Variants in FAT2 observed in about 807,000 individuals in gnomAD.
FAT2 encodes protocadherin Fat 2.
A neutral mutation model predicts 295.3 loss-of-function variants in FAT2; 150 were observed. The ratio of observed to expected loss-of-function variants is 0.51; its 90% confidence interval spans 0.44 to 0.58. The LOEUF (loss-of-function observed/expected upper bound fraction) is 0.58, where lower values mean the gene tolerates loss of function less well. Among genes scored for constraint, FAT2 ranks in the 20% least tolerant of loss-of-function variants. The pLI, the probability that FAT2 is intolerant of heterozygous loss-of-function variation, is 0.00. For missense variants in FAT2, 4,868 were observed against 5,442.7 expected, an observed-to-expected ratio of 0.89 and a Z score of 3.32; for synonymous variants, 2,026 against 2,150.3, an observed-to-expected ratio of 0.94 and a Z score of 1.60.
At chr5:151,527,015 A>G (rs901951715) in intron 17 of FAT2, among the ~76,000 whole-genome samples, 2 of 152,222 alleles carry the variant, frequency 1.3e-5, no homozygotes, top group South Asian at 2.1e-4. Context: ...TATGGCTGTT[A>G]TGAGTCTCAA....
At chr5:151,580,387 T>C (rs1758900854) in intron 1 of FAT2, among the ~76,000 whole-genome samples, 1 of 152,212 alleles carries the variant, frequency 6.6e-6, no homozygotes, top group Non-Finnish European at 1.5e-5. Flanking sequence ...AACACTTACC[T>C]TCCTGGAGGA....
In FAT2 at chr5:151,531,438, G is replaced by A. The variant is rs1283796527; in HGVS notation, c.9811+149C>T. On this transcript the variant is annotated intron_variant, in intron 14 of 23. Transcript: ENST00000261800. This position sits in a 1 kb window ranked among gnomAD's most constrained non-coding sequence, Gnocchi z 5.7. ...GGGTGGAAGGAGGGACCTGGTACTC[G>A]GAGAGAAGCAGAAGAGAATGGAGAA... 14 of 1,147,368 alleles carry A rather than the reference G, an allele frequency of 1.2e-5. No individual in the cohort carries two copies. The highest frequency in any genetic ancestry group is 1.6e-5 in the African/African-American group (1 of 63,982). 71.1% of individuals were successfully genotyped at this position (1,147,368 alleles called of 1,614,324 possible).
At chr5:151,513,707 C>T (rs918072606) in intron 20 of FAT2, among the ~76,000 whole-genome samples, 4 of 151,690 alleles carry the variant, frequency 2.6e-5, no homozygotes, top group Admixed American at 6.6e-5. Flanking sequence ...ATCGGTTACC[C>T]GTATAACAAA....
intron 7 of FAT2, among the ~76,000 whole-genome samples, chr5:151,551,188 CA>C (rs901770209): frequency 7.9e-5 from 12 of 152,158 alleles, no homozygotes; most frequent in Non-Finnish European, 1.6e-4. Context: ...CCCACTTACC[CA>C]ACCATCATCC....
intron 2 of FAT2, among the ~76,000 whole-genome samples, chr5:151,565,464 T>A (rs528314815): frequency 1.3e-5 from 2 of 152,222 alleles, no homozygotes; most frequent in South Asian, 4.2e-4. Context: ...TGTGCATATA[T>A]GTGTATGTGT....
chr5:151,512,549 G>C lies in FAT2; in HGVS notation c.11521C>G (p.Leu3841Val). 2 of 1,614,132 alleles carry C rather than the reference G, an allele frequency of 1.2e-6. No homozygotes were observed. The highest frequency in any genetic ancestry group is 1.7e-6 in the Non-Finnish European group (2 of 1,180,028). ...YHCLGGFYGN[L>V]SSQRHVNDHE... ...TCATTCACATGGCGCTGGGAGGAAA[G>C]GTTTCCATAGAAACCACCCAGACAG... Residue 3841 changes from leucine to valine, a missense_variant, in exon 21 of 24, where the codon CTT becomes GTT. By Grantham distance (32) the Leu-to-Val change is conservative. Transcript: ENST00000261800. The surrounding 1 kb of genome is among the most constrained non-coding windows in gnomAD (Gnocchi z 4.1).
Position 151,540,553 on chromosome 5 carries a change from C to T in FAT2, c.9039+14G>A, listed in dbSNP as rs557173685. 20 of 1,600,644 alleles carry T rather than the reference C, an allele frequency of 1.2e-5. No homozygotes were observed. The highest frequency in any genetic ancestry group is 4.5e-5 in the East Asian group (2 of 44,644). ...TGCCTTCACTACCCACTCCACCCCT[C>T]GCCAGGCTCTCACCTGTGAACACTG... On this transcript the variant is annotated intron_variant, in intron 11 of 23. Transcript: ENST00000261800.
At chr5:151,530,067 T>A (rs1044373329) in intron 14 of FAT2, among the ~76,000 whole-genome samples, 3 of 152,138 alleles carry the variant, frequency 2.0e-5, no homozygotes, top group Non-Finnish European at 4.4e-5. Flanking sequence ...AAAATCACCA[T>A]TTTACAGCCC....
chr5:151,531,818 T>C lies in FAT2; in HGVS notation c.9580A>G (p.Thr3194Ala), dbSNP rs757392043. 3.7e-6 allele frequency: 6 copies of C among 1,612,938 alleles called. No individual in the cohort carries two copies. The highest frequency in any genetic ancestry group is 4.2e-6 in the Non-Finnish European group (5 of 1,179,904). Residue 3194 changes from threonine to alanine, a missense_variant, in exon 14 of 24, where the codon ACC (threonine) becomes GCC (alanine). This residue lies in a region of FAT2 where 1,046 missense variants were observed against 1,210.1 expected (regional missense o/e 0.86). Transcript: ENST00000261800. The surrounding 1 kb of genome is among the most constrained non-coding windows in gnomAD (Gnocchi z 5.7). ...CCCAGCGTGGACAGCGGTATTGGGG[T>C]GCCCAGGTCAGAGGCACGGACCGTG... is the stretch of plus-strand genomic sequence containing the variant. Reference protein sequence around the residue: ...ELTVRASDLGTPIPLSTLGTV... With the variant: ...ELTVRASDLGAPIPLSTLGTV...
chr5:151,550,884 A>G lies in FAT2; in HGVS notation c.4297-13T>C, dbSNP rs754653643. The stretch of plus-strand genomic sequence containing the variant: ...TGAAGATGTGGACCTAGGGAGGGAG[A>G]TGAGGGAGAAGGTGCACTGCAAGCC... On this transcript the variant is annotated splice_polypyrimidine_tract_variant and intron_variant, in intron 7 of 23. Coordinates refer to ENST00000261800, the MANE Select transcript of FAT2 (RefSeq NM_001447.3). 6.2e-7 allele frequency: 1 copy of G among 1,610,728 alleles called. No individual in the cohort carries two copies. Among genetic ancestry groups the G allele is most frequent in the Non-Finnish European group, 8.5e-7 (1 of 1,178,904 alleles).
chr5:151,535,321 A>G (rs540467081), intron 12 of FAT2, among the ~76,000 whole-genome samples: 1 of 152,046 alleles, frequency 6.6e-6, no homozygotes, highest in South Asian at 2.1e-4. Flanking sequence ...CACCTGCCCC[A>G]AAGCAAGATT....
At chr5:151,510,273 CCATTT>C (rs1247597385) in intron 21 of FAT2, 99 bp from the exon 22 acceptor site, 1 of 1,372,428 alleles carries the variant, frequency 7.3e-7, no homozygotes, top group South Asian at 1.3e-5. Context: ...CGTTCAGTTA[CCATTT>C]ATTTATTTGG....
chr5:151,515,795 CCTAT>C (rs1391666581), intron 20 of FAT2, among the ~76,000 whole-genome samples: 13 of 152,194 alleles, frequency 8.5e-5, no homozygotes, highest in Admixed American at 8.5e-4. Context: ...TCTCTCTGCT[CCTAT>C]CTTTGTTTCT....
upstream of FAT2, among the ~76,000 whole-genome samples, chr5:151,592,683 G>T (rs529174085): frequency 6.6e-6 from 1 of 152,292 alleles, no homozygotes; most frequent in East Asian, 1.9e-4. Context: ...AATTTGTTAA[G>T]TCTCTGTCTC....
chr5:151,543,421 C>A lies in FAT2; in HGVS notation c.7706G>T (p.Cys2569Phe), dbSNP rs1561850071. The A allele has an allele frequency of 6.2e-7, 1 of 1,614,060 alleles. No homozygotes were observed. ...ATCTGTGAGGATGATCTTCACCGTG[C>A]AGAAGGCTACTCTTCCTCCTCCATC... ...ARDGGGRVAFCTVKIILTDEN... is the reference protein window; with the variant it reads ...ARDGGGRVAFFTVKIILTDEN... Residue 2569 changes from cysteine to phenylalanine, a missense_variant, in exon 10 of 24, where the codon TGC becomes TTC. By Grantham distance (205) the Cys-to-Phe change is radical (BLOSUM62 -2). This residue lies in a region of FAT2 where 3,297 missense variants were observed against 3,669.4 expected (regional missense o/e 0.90). Transcript: ENST00000261800.
chr5:151,521,434 G>C lies in FAT2; in HGVS notation c.11159C>G (p.Ser3720Ter). The change falls in exon 19 of 24, where the codon TCA (serine) becomes TGA (stop). Residue 3720 changes from serine (S) to a stop codon, truncating the protein, a stop_gained. Transcript: ENST00000261800. LOFTEE classifies it high-confidence loss of function. The stretch of plus-strand genomic sequence containing the variant: ...CTGGCAGGGCACCATGGGCATAGCT[G>C]ACCGCATCTGAACCCCCACTGAATG... ...MEHSVGVQMR[S>*]AMPMVPCQGP... 1 of 1,614,216 alleles carries C rather than the reference G, an allele frequency of 6.2e-7. No individual in the cohort carries two copies. Among genetic ancestry groups the C allele is most frequent in the East Asian group, 2.2e-5 (1 of 44,880 alleles).
Position 151,550,837 on chromosome 5 carries a change from T to C in FAT2, c.4331A>G (p.His1444Arg). 1.9e-6 allele frequency: 3 copies of C among 1,613,348 alleles called. No homozygotes were observed. The highest frequency in any genetic ancestry group is 4.5e-5 in the East Asian group (2 of 44,856). ...HIFMIANINH[H>R]RPQFLETRYE... ...ACGAGTTTCCAGAAACTGGGGCCGA[T>C]GGTGGTTAATGTTGGCAATCATGAA... The change falls in exon 8 of 24, where the codon CAT becomes CGT. Residue 1444 changes from histidine to arginine, a missense_variant. His to Arg is a conservative substitution (Grantham distance 29). Around this residue, in one of 5 missense-constraint regions of FAT2, gnomAD observed 3,297 missense variants for 3,669.4 expected, o/e 0.90. Coordinates refer to ENST00000261800, the MANE Select transcript of FAT2 (RefSeq NM_001447.3).
intron 20 of FAT2, among the ~76,000 whole-genome samples, chr5:151,514,421 T>C (rs761528350): frequency 2.6e-5 from 4 of 152,258 alleles, no homozygotes; most frequent in Non-Finnish European, 5.9e-5. Flanking sequence ...CACATACTCT[T>C]GACCTATCTC....
chr5:151,550,323 G>T (rs1209568565), intron 8 of FAT2, among the ~76,000 whole-genome samples: 1 of 152,184 alleles, frequency 6.6e-6, no homozygotes, highest in Non-Finnish European at 1.5e-5. Flanking sequence ...AAGTCACTGA[G>T]CAGGGAGAGA....
Sources: allele counts gnomAD v4.1 joint callset (sites outside exome capture counted in the v4.1 genomes callset), GRCh38; gene constraint gnomAD v4.1.1; regional missense constraint gnomAD v4.1.1; non-coding constraint Gnocchi (gnomAD v3.1); transcripts MANE v1.5; gene names NCBI Gene and HGNC (gene_info 2026-07-23, HGNC 2026-07-21).